PCDH15: variants seen among roughly 807,000 people sequenced by gnomAD.
The protein encoded by PCDH15 is protocadherin-15.
PCDH15 carries 129 observed loss-of-function variants against 178.5 expected under a neutral mutation model. The ratio of observed to expected loss-of-function variants is 0.72; its 90% CI spans 0.63 to 0.84. PCDH15 has a LOEUF of 0.84. PCDH15 is among the 40% of genes least tolerant of loss of function. PCDH15 has a pLI of 0.00. For missense variants in PCDH15, 2,230 were observed against 2,099.9 expected (o/e 1.06, Z -1.21); for synonymous variants, 800 against 732.0 (o/e 1.09, Z -1.50).
chr10:55,025,002 T>A (rs1840439147), intron 2 of PCDH15, among the ~76,000 whole-genome samples: 1 of 152,160 alleles, frequency 6.6e-6, no homozygotes, highest in Non-Finnish European at 1.5e-5. Flanking sequence ...ATATGACTCT[T>A]CTACTTAAGG....
At chr10:54,623,269 C>T (rs988918814) in intron 2 of PCDH15, among the ~76,000 whole-genome samples, 4 of 152,018 alleles carry the variant, frequency 2.6e-5, no homozygotes, top group East Asian at 3.9e-4. Context: ...GATCCTTTGG[C>T]GGCAGAAGCT....
chr10:54,650,528 G>A (rs1170855603), intron 2 of PCDH15, among the ~76,000 whole-genome samples: 1 of 152,106 alleles, frequency 6.6e-6, no homozygotes, highest in Non-Finnish European at 1.5e-5. Flanking sequence ...CACATAAAAT[G>A]ACTATTGATA....
intron 1 of PCDH15, among the ~76,000 whole-genome samples, chr10:54,704,894 T>C (rs1268096073): frequency 6.6e-6 from 1 of 152,182 alleles, no homozygotes; most frequent in Non-Finnish European, 1.5e-5. Context: ...ATTGTAGCAC[T>C]ATTCACAATA....
intron 1 of PCDH15, among the ~76,000 whole-genome samples, chr10:54,747,805 C>CTTTTTTTTTT (rs1945656730): frequency 8.2e-6 from 1 of 122,576 alleles, no homozygotes; most frequent in East Asian, 2.6e-4. Context: ...TCAATGGTTA[C>CTTTTTTTTTT]ATTTTTTTTT....
At chr10:54,728,213 T>C (rs34043834) in intron 1 of PCDH15, among the ~76,000 whole-genome samples, 18,438 of 151,356 alleles carry the variant, frequency 0.12, 1,250 homozygotes, top group African/African-American at 0.17. Flanking sequence ...TCCAGCAGCA[T>C]ATCAAAAAGT....
At chr10:55,306,126 A>C (rs944791627) in intron 1 of PCDH15, among the ~76,000 whole-genome samples, 4 of 152,306 alleles carry the variant, frequency 2.6e-5, no homozygotes, top group African/African-American at 9.6e-5. Context: ...AAATATGGAT[A>C]ATCTATCAAT....
chr10:54,016,789 A>G (rs1419792899), intron 20 of PCDH15, among the ~76,000 whole-genome samples: 2 of 152,170 alleles, frequency 1.3e-5, no homozygotes, highest in Admixed American at 6.5e-5. Context: ...TACTATGTTC[A>G]TTACCTGAGT....
At chr10:54,808,859 C>T (rs957470957) in intron 3 of PCDH15, among the ~76,000 whole-genome samples, 2 of 151,972 alleles carry the variant, frequency 1.3e-5, no homozygotes, top group South Asian at 4.1e-4. Flanking sequence ...GGGATACCTT[C>T]CAAGACACAT....
At chr10:54,128,059 T>C (rs777077481) in intron 15 of PCDH15, among the ~76,000 whole-genome samples, 1 of 152,136 alleles carries the variant, frequency 6.6e-6, no homozygotes, top group Admixed American at 6.6e-5. Flanking sequence ...ATAGAGAGGA[T>C]GAAGAAAGAA....
intron 3 of PCDH15, among the ~76,000 whole-genome samples, chr10:54,443,858 A>G (rs2075987397): frequency 1.3e-5 from 2 of 151,572 alleles, no homozygotes; most frequent in Non-Finnish European, 3.0e-5. Flanking sequence ...CCCAGCTCAT[A>G]ATTTCTGTAA....
intron 2 of PCDH15, among the ~76,000 whole-genome samples, chr10:54,915,364 A>G (rs191060200): frequency 3.0e-4 from 46 of 152,324 alleles, no homozygotes; most frequent in Admixed American, 2.7e-3. Context: ...AATATGCCTT[A>G]GAAAAAAATC....
chr10:54,167,488 G>A (rs1293943283), intron 13 of PCDH15, among the ~76,000 whole-genome samples: 1 of 152,050 alleles, frequency 6.6e-6, no homozygotes, highest in East Asian at 1.9e-4. Context: ...ATCATTGCAG[G>A]GACGCCTGAT....
intron 2 of PCDH15, among the ~76,000 whole-genome samples, chr10:54,952,375 C>A (rs1838366891): frequency 6.6e-6 from 1 of 151,742 alleles, no homozygotes; most frequent in South Asian, 2.1e-4. Flanking sequence ...CTGTGTGTTT[C>A]CACCAATATC....
chr10:54,079,176 T>A (rs2094394726), intron 17 of PCDH15, among the ~76,000 whole-genome samples, 155 bp downstream of exon 17: 1 of 152,210 alleles, frequency 6.6e-6, no homozygotes, highest in Admixed American at 6.5e-5. Flanking sequence ...GGTGCATGTA[T>A]TAATAGCCTG....
At chr10:55,316,694 T>C (rs1473137256) in intron 1 of PCDH15, among the ~76,000 whole-genome samples, 1 of 152,164 alleles carries the variant, frequency 6.6e-6, no homozygotes, top group Non-Finnish European at 1.5e-5. Flanking sequence ...CTAAATTTTG[T>C]CACTCTTTTC....
In PCDH15 at chr10:55,270,097, CTGACCCCTTACCTT is replaced by C. The variant is rs967361649; in HGVS notation, c.-156+49488_-156+49501del. On this transcript the variant is annotated intron_variant, in intron 1 of 5. Transcript: ENST00000458638. ...GCTAGCCATATGCACAAGAATGAAC[CTGACCCCTTACCTT>C]TTACCATATACAAAAATTAACTCAA... Among the ~76,000 whole-genome samples, 29 of 152,206 alleles carry C rather than the reference CTGACCCCTTACCTT, an allele frequency of 1.9e-4. 1 individual carries two copies. The highest frequency in any genetic ancestry group is 4.8e-4 in the African/African-American group (20 of 41,542).
At chr10:54,064,114 G>A (rs934014499) in intron 18 of PCDH15, among the ~76,000 whole-genome samples, 1 of 152,180 alleles carries the variant, frequency 6.6e-6, no homozygotes, top group Non-Finnish European at 1.5e-5. Context: ...CTACAGAACA[G>A]CTCTCAAGAG....
chr10:55,329,644 C>T (rs1006556194), intron 2 of PCDH15, among the ~76,000 whole-genome samples: 16 of 151,778 alleles, frequency 1.1e-4, no homozygotes, highest in African/African-American at 3.9e-4. Flanking sequence ...CTTGTTTACC[C>T]AGTCTTATTA....
chr10:55,354,358 G>A (rs73255723), intron 2 of PCDH15, among the ~76,000 whole-genome samples: 9,454 of 151,926 alleles, frequency 0.062, 685 homozygotes, highest in African/African-American at 0.18. Context: ...TGAGAATTCC[G>A]AATTAAATAG....
Sources: gnomAD v4.1 joint callset for allele counts (sites outside exome capture counted in the v4.1 genomes callset) on GRCh38, gnomAD v4.1.1 for gene constraint, MANE v1.5 for transcripts, NCBI Gene and HGNC (gene_info 2026-07-23, HGNC 2026-07-21) for gene names.